Variants in CCDC148 observed in about 807,000 individuals in gnomAD.
CCDC148 encodes the protein coiled-coil domain-containing protein 148.
Under a neutral mutation model 85.7 loss-of-function variants are expected in CCDC148, and 89 were observed. That is an observed-to-expected ratio of 1.04 (90% CI 0.87 to 1.24). The LOEUF is 1.24. CCDC148 is among the 50% of genes most tolerant of loss of function. The pLI is 0.00. For missense variants in CCDC148, 692 were observed against 671.7 expected, an observed-to-expected ratio of 1.03 and a Z score of -0.33; for synonymous variants, 230 against 213.9, an observed-to-expected ratio of 1.08 and a Z score of -0.66.
At chr2:158,443,515 A>AAAAAAGAAAAGAAAAG (rs1553524480) in intron 1 of CCDC148, among the ~76,000 whole-genome samples, 87 of 100,878 alleles carry the variant, frequency 8.6e-4, no homozygotes, top group African/African-American at 1.3e-3. Flanking sequence ...AAAAAAAAAA[A>AAAAAAGAAAAGAAAAG]AAAAAAAAGA....
At chr2:158,421,193 A>T (rs1686762655) in intron 1 of CCDC148, among the ~76,000 whole-genome samples, 1 of 152,206 alleles carries the variant, frequency 6.6e-6, no homozygotes, top group Admixed American at 6.5e-5. Context: ...ACAGAAAGTT[A>T]ACAAGGATAT....
At chr2:158,260,254 C>T (rs1243685591) in intron 9 of CCDC148, among the ~76,000 whole-genome samples, 3 of 151,844 alleles carry the variant, frequency 2.0e-5, no homozygotes, top group Admixed American at 6.6e-5. Flanking sequence ...GAACTAAAGA[C>T]AAAAACCACA....
Position 158,451,795 on chromosome 2 carries a change from A to C in CCDC148, c.25+4620T>G, listed in dbSNP as rs184713205. Among the ~76,000 whole-genome samples the C allele has an allele frequency of 1.1e-3, 162 of 152,132 alleles. 1 individual carries two copies. Among genetic ancestry groups the C allele is most frequent in the African/African-American group, 3.8e-3 (158 of 41,506 alleles). ...TTCATTTTCTACTATTTACTTATTAAAAAAAACTTTAGGCTGTTACTCTTC... is the reference window on the plus strand; with the variant it reads ...TTCATTTTCTACTATTTACTTATTACAAAAAACTTTAGGCTGTTACTCTTC... On this transcript the variant is annotated intron_variant, in intron 1 of 13. Transcript: ENST00000283233.
chr2:158,225,279 A>T (rs1428258875), intron 10 of CCDC148, among the ~76,000 whole-genome samples: 3 of 152,200 alleles, frequency 2.0e-5, no homozygotes, highest in African/African-American at 7.2e-5. Context: ...TATGCACCCA[A>T]AACAGGAGCA....
At chr2:158,439,368 T>C (rs1220753759) in intron 1 of CCDC148, among the ~76,000 whole-genome samples, 3 of 152,114 alleles carry the variant, frequency 2.0e-5, no homozygotes, top group Non-Finnish European at 2.9e-5. Context: ...CAGGAAACTA[T>C]TGCAGGGACA....
At chr2:158,216,940 G>A (rs1014983143) in intron 11 of CCDC148, among the ~76,000 whole-genome samples, 8 of 152,036 alleles carry the variant, frequency 5.3e-5, no homozygotes, top group African/African-American at 1.9e-4. Context: ...ATATCCTCAA[G>A]GTACAGATGA....
At chr2:158,184,451 G>A (rs1685060358) in intron 11 of CCDC148, among the ~76,000 whole-genome samples, 1 of 152,156 alleles carries the variant, frequency 6.6e-6, no homozygotes, top group Non-Finnish European at 1.5e-5. Context: ...GAGGAAAGAA[G>A]TCCCTACTCT....
intron 1 of CCDC148, among the ~76,000 whole-genome samples, chr2:158,391,152 G>A (rs1574740181): frequency 1.3e-5 from 2 of 152,254 alleles, no homozygotes; most frequent in Middle Eastern, 3.4e-3. Flanking sequence ...TGCTTTCATG[G>A]TGCTTACTGT....
At chr2:158,433,703 G>A (rs1245222625) in intron 1 of CCDC148, among the ~76,000 whole-genome samples, 1 of 152,172 alleles carries the variant, frequency 6.6e-6, no homozygotes, top group Non-Finnish European at 1.5e-5. Context: ...GTGCAAGAGT[G>A]GGGGAATTCT....
intron 9 of CCDC148, among the ~76,000 whole-genome samples, chr2:158,289,602 G>A (rs1690793477): frequency 6.6e-6 from 1 of 152,132 alleles, no homozygotes; most frequent in South Asian, 2.1e-4. Context: ...ACAAGGATGT[G>A]GAACAACAGG....
chr2:158,389,360 G>A (rs974585455), intron 1 of CCDC148, among the ~76,000 whole-genome samples: 2 of 152,014 alleles, frequency 1.3e-5, no homozygotes, highest in African/African-American at 4.8e-5. Flanking sequence ...AAACAAGAAT[G>A]AAAAAGAAAC....
chr2:158,219,663 C>G (rs529016604), intron 11 of CCDC148, among the ~76,000 whole-genome samples: 2 of 152,344 alleles, frequency 1.3e-5, no homozygotes, highest in Admixed American at 1.3e-4. Context: ...TTGCAAGCAT[C>G]TCAATAATTG....
chr2:158,275,638 T>C (rs1689903172), intron 9 of CCDC148, among the ~76,000 whole-genome samples: 1 of 152,150 alleles, frequency 6.6e-6, no homozygotes, highest in African/African-American at 2.4e-5. Flanking sequence ...AAGTATATTC[T>C]TTAGAGGCCT....
intron 12 of CCDC148, among the ~76,000 whole-genome samples, chr2:158,178,366 T>C (rs1447010112): frequency 6.6e-6 from 1 of 152,182 alleles, no homozygotes; most frequent in African/African-American, 2.4e-5. Flanking sequence ...CCATCTACCA[T>C]CCATTTTCAT....
At chr2:158,451,459 G>T (rs1429453959) in intron 1 of CCDC148, among the ~76,000 whole-genome samples, 1 of 152,024 alleles carries the variant, frequency 6.6e-6, no homozygotes, top group Non-Finnish European at 1.5e-5. Context: ...TATTTCTCCT[G>T]CATTGTATAA....
chr2:158,355,766 C>T (rs564679510), intron 2 of CCDC148, among the ~76,000 whole-genome samples: 11 of 126,818 alleles, frequency 8.7e-5, no homozygotes, highest in South Asian at 2.5e-4. Context: ...GAGCCCGCAT[C>T]GCCAAGTCAA....
At chr2:158,223,518 C>G (rs1436126778) in intron 10 of CCDC148, among the ~76,000 whole-genome samples, 1 of 152,308 alleles carries the variant, frequency 6.6e-6, no homozygotes, top group East Asian at 1.9e-4. Context: ...GGACTGACTG[C>G]CTCCTCAAGT....
chr2:158,258,406 A>T (rs1229929945), intron 9 of CCDC148, among the ~76,000 whole-genome samples: 1 of 151,914 alleles, frequency 6.6e-6, no homozygotes, highest in East Asian at 1.9e-4. Context: ...AGCACAGCAT[A>T]GATGAGAAAA....
intron 9 of CCDC148, among the ~76,000 whole-genome samples, chr2:158,283,721 T>C (rs1314477442): frequency 2.0e-5 from 3 of 151,930 alleles, no homozygotes; most frequent in Non-Finnish European, 4.4e-5. Context: ...AGTGTGGCGA[T>C]TCCTCAGGGA....
Sources: allele counts gnomAD v4.1 joint callset (sites outside exome capture counted in the v4.1 genomes callset), GRCh38; gene constraint gnomAD v4.1.1; transcripts MANE v1.5; gene names NCBI Gene and HGNC (gene_info 2026-07-23, HGNC 2026-07-21).